Variants in KIF16B observed in about 807,000 individuals in gnomAD.
KIF16B encodes kinesin family member 16B.
A neutral mutation model predicts 156.3 loss-of-function variants in KIF16B; 98 were observed. The observed-to-expected ratio is 0.63, with a 90% CI of 0.53 to 0.74. The LOEUF (loss-of-function observed/expected upper bound fraction) is 0.74. Among genes scored for constraint, KIF16B ranks in the 30% least tolerant of loss-of-function variants. KIF16B has a pLI of 0.00. For synonymous variants in KIF16B, 564 were observed against 583.7 expected, an observed-to-expected ratio of 0.97 and a Z score of 0.49; for missense variants, 1,421 against 1,606.5, an observed-to-expected ratio of 0.88 and a Z score of 1.97.
At chr20:16,563,183 T>C (rs1034354003) in intron 1 of KIF16B, among the ~76,000 whole-genome samples, 4 of 152,132 alleles carry the variant, frequency 2.6e-5, no homozygotes, top group African/African-American at 9.7e-5. Context: ...AAAACACAAA[T>C]GCTCCGCCCA....
chr20:16,523,435 T>C (rs928555030), intron 3 of KIF16B, among the ~76,000 whole-genome samples: 3 of 152,158 alleles, frequency 2.0e-5, no homozygotes, highest in Non-Finnish European at 4.4e-5. Context: ...CCATTCACAA[T>C]TGCTACAAAG....
At chr20:16,567,698 A>C (rs6034534) in intron 1 of KIF16B, among the ~76,000 whole-genome samples, 121,544 of 152,208 alleles carry the variant, frequency 0.8, 49,019 homozygotes, top group African/African-American at 0.91. Context: ...CGCCTGTAAT[A>C]CCAGCACTTG....
At chr20:16,340,849 C>T (rs1348921516) in intron 23 of KIF16B, among the ~76,000 whole-genome samples, 1 of 152,166 alleles carries the variant, frequency 6.6e-6, no homozygotes, top group African/African-American at 2.4e-5. Context: ...GAACTGCATA[C>T]ACCAAATGCT....
At chr20:16,273,632 C>A (rs1395230261) in intron 25 of KIF16B, among the ~76,000 whole-genome samples, 1 of 151,710 alleles carries the variant, frequency 6.6e-6, no homozygotes, top group East Asian at 1.9e-4. Context: ...CCACTGCACT[C>A]CTGCCTGGGT....
At chr20:16,524,271 TC>T (rs1466759447) in intron 3 of KIF16B, among the ~76,000 whole-genome samples, 1 of 151,976 alleles carries the variant, frequency 6.6e-6, no homozygotes, top group African/African-American at 2.4e-5. Context: ...TTGCAATCTA[TC>T]CATCTGACAA....
intron 15 of KIF16B, among the ~76,000 whole-genome samples, chr20:16,422,755 T>TAA (rs1031199960): frequency 2.6e-5 from 4 of 152,138 alleles, no homozygotes; most frequent in Non-Finnish European, 4.4e-5. Flanking sequence ...AAATAGATGA[T>TAA]AATTCAAACA....
In KIF16B at chr20:16,526,278, T is replaced by C. The variant is rs1482756227; in HGVS notation, c.118-73A>G. ...CATTTGACCCAAATTTCCATGTTTA[T>C]ACCCTGACTAAAAACCATTTCATTC... On this transcript the variant is annotated intron_variant, in intron 2 of 25. Coordinates refer to ENST00000354981, the MANE Select transcript of KIF16B (RefSeq NM_024704.5). The C allele has an allele frequency of 8.6e-6, 6 of 698,504 alleles. No homozygotes were observed. The Middle Eastern group carries it at 7.6e-4, about 89-fold the overall frequency. 43.3% of individuals were successfully genotyped at this position (698,504 alleles called of 1,614,324 possible).
chr20:16,338,905 C>A (rs1350588265), intron 23 of KIF16B, among the ~76,000 whole-genome samples: 1 of 152,092 alleles, frequency 6.6e-6, no homozygotes, highest in Non-Finnish European at 1.5e-5. Context: ...CAGCTGACAA[C>A]CTTAAGTCCT....
chr20:16,443,572 T>C (rs1472698504), intron 12 of KIF16B, among the ~76,000 whole-genome samples: 1 of 152,220 alleles, frequency 6.6e-6, no homozygotes, highest in African/African-American at 2.4e-5. Flanking sequence ...TGGATATAAA[T>C]GTGTATCTTG....
chr20:16,316,919 A>C (rs2063706873), intron 24 of KIF16B, among the ~76,000 whole-genome samples: 1 of 152,208 alleles, frequency 6.6e-6, no homozygotes, highest in African/African-American at 2.4e-5. Flanking sequence ...CGAACACCAA[A>C]AAATCTCTTC....
At chr20:16,311,415 G>C (rs984978742) in intron 25 of KIF16B, among the ~76,000 whole-genome samples, 63 of 152,214 alleles carry the variant, frequency 4.1e-4, no homozygotes, top group African/African-American at 1.4e-3. Context: ...TTGAATCTGA[G>C]GGGTGGAGGT....
At chr20:16,365,009 A>T (rs2064632540) in intron 22 of KIF16B, among the ~76,000 whole-genome samples, 1 of 152,208 alleles carries the variant, frequency 6.6e-6, no homozygotes, top group Non-Finnish European at 1.5e-5. Flanking sequence ...AATTATGTAC[A>T]GTTTATTTAT....
intron 12 of KIF16B, among the ~76,000 whole-genome samples, chr20:16,436,047 A>G (rs2066633124): frequency 6.6e-6 from 1 of 152,042 alleles, no homozygotes; most frequent in African/African-American, 2.4e-5. Flanking sequence ...TTTGCGTGCT[A>G]TATTCCTCTT....
chr20:16,550,870 C>T (rs2070623235), intron 1 of KIF16B, among the ~76,000 whole-genome samples: 1 of 151,786 alleles, frequency 6.6e-6, no homozygotes, highest in Admixed American at 6.6e-5. Context: ...AAATAGCATC[C>T]CAGGGCTAGA....
At chr20:16,529,159 G>GT (rs1342916608) in intron 1 of KIF16B, among the ~76,000 whole-genome samples, 11 of 151,852 alleles carry the variant, frequency 7.2e-5, no homozygotes, top group African/African-American at 2.6e-4. Flanking sequence ...TAAAACCTAT[G>GT]TATTTTTCAA....
At chr20:16,471,970 A>G (rs2067674594) in intron 12 of KIF16B, among the ~76,000 whole-genome samples, 1 of 152,270 alleles carries the variant, frequency 6.6e-6, no homozygotes, top group Non-Finnish European at 1.5e-5. Flanking sequence ...ATATGAGTCC[A>G]AAATTCAAGA....
At chr20:16,429,622 A>G (rs80306228) in intron 13 of KIF16B, among the ~76,000 whole-genome samples, 3,162 of 152,164 alleles carry the variant, frequency 0.021, 104 homozygotes, top group African/African-American at 0.073. Context: ...CCTCTTACTA[A>G]TCCTACAGAA....
chr20:16,491,607 G>A (rs1300733446), intron 12 of KIF16B, among the ~76,000 whole-genome samples: 2 of 152,186 alleles, frequency 1.3e-5, no homozygotes, highest in Non-Finnish European at 2.9e-5. Flanking sequence ...TTCCAAGCTG[G>A]GAAGTAGGGT....
chr20:16,494,254 AC>A, intron 12 of KIF16B, 36 bp downstream of exon 12: 1 of 1,278,118 alleles, frequency 7.8e-7, no homozygotes. Context: ...AGTTTAATCC[AC>A]CATAGTAAGA....
Sources: allele counts gnomAD v4.1 joint callset (sites outside exome capture counted in the v4.1 genomes callset), GRCh38; gene constraint gnomAD v4.1.1; transcripts MANE v1.5; gene names NCBI Gene and HGNC (gene_info 2026-07-23, HGNC 2026-07-21).